RBM10: variants seen among roughly 807,000 people sequenced by gnomAD.
RBM10 encodes the protein RNA binding motif protein 10, also known as RNA-binding protein 10.
Under a neutral mutation model 84.9 loss-of-function variants are expected in RBM10, and 1 was observed. The ratio of observed to expected loss-of-function variants is 0.01; its 90% CI spans 0.00 to 0.06. RBM10 has a LOEUF of 0.06. Among genes scored for constraint, RBM10 ranks in the 10% least tolerant of loss-of-function variants. The pLI is 1.00. For missense variants in RBM10, 438 were observed against 839.0 expected (o/e 0.52, Z 5.90); for synonymous variants, 326 against 344.5 (o/e 0.95, Z 0.60).
chrX:47,146,622 C>T (rs1186453782), intron 1 of RBM10, among the ~76,000 whole-genome samples: 2 of 111,076 alleles, frequency 1.8e-5, no homozygotes, highest in Non-Finnish European at 3.8e-5. Context: ...AATAGAAGAG[C>T]ACAGTGGTTC....
intron 2 of RBM10, chrX:47,156,992 G>T: frequency 3.5e-6 from 1 of 282,410 alleles, no homozygotes. Context: ...CTGGGAAGGC[G>T]TTGATGTCGA....
chrX:47,164,678 A>G (rs1404338911), intron 2 of RBM10, among the ~76,000 whole-genome samples: 1 of 112,012 alleles, frequency 8.9e-6, no homozygotes, highest in Non-Finnish European at 1.9e-5. Flanking sequence ...TAGGAATGTA[A>G]AATGGTACAG....
In RBM10 at chrX:47,185,047, AC is replaced by A; in HGVS notation, c.1951-3del. 8.3e-7 allele frequency: 1 copy of A among 1,206,393 alleles called. No individual in the cohort carries two copies. Among genetic ancestry groups the A allele is most frequent in the Non-Finnish European group, 1.1e-6 (1 of 893,069 alleles). ...TTCTGGGAACCTCACCTCCACCCTC[AC>A]CCCCAGATTGCCAAGGACATGGAAC... On this transcript the variant is annotated splice_region_variant and splice_polypyrimidine_tract_variant and intron_variant, in intron 17 of 23. Transcript: ENST00000377604.
chrX:47,152,306 T>G (rs1393891028), intron 2 of RBM10, among the ~76,000 whole-genome samples: 1 of 111,486 alleles, frequency 9.0e-6, no homozygotes, highest in Non-Finnish European at 1.9e-5. Context: ...ATGTATATGT[T>G]TATGACTTCT....
intron 2 of RBM10, among the ~76,000 whole-genome samples, chrX:47,159,345 T>G (rs1933459978): frequency 9.5e-6 from 1 of 104,863 alleles, no homozygotes; most frequent in Non-Finnish European, 2.0e-5. Flanking sequence ...GAGGTGGAGG[T>G]TGCGGTGAGC....
intron 5 of RBM10, 81 bp from the exon 6 acceptor site, chrX:47,174,938 C>T (rs1417929209): frequency 1.2e-6 from 1 of 829,622 alleles, no homozygotes; most frequent in South Asian, 2.0e-5. Context: ...GTCCTCTCCC[C>T]TCGGGTCCCG....
chrX:47,186,208 G>A (rs1556782461), intron 22 of RBM10, 37 bp downstream of exon 22: 4 of 1,208,891 alleles, frequency 3.3e-6, no homozygotes, highest in African/African-American at 3.5e-5. Flanking sequence ...TCTGGAGCCC[G>A]GGGCCGGGGC....
chrX:47,171,544 G>A (rs1202030973), intron 4 of RBM10, among the ~76,000 whole-genome samples: 1 of 112,655 alleles, frequency 8.9e-6, no homozygotes, highest in Non-Finnish European at 1.9e-5. Flanking sequence ...ACATTCCACT[G>A]GTCATCCAGC....
Position 47,171,262 on chromosome X carries a change from C to G in RBM10, c.432+4C>G, listed in dbSNP as rs1367609249. ...ACAGGCAGCCACTGAGGATGACGTACGTGCCCCCCATGGCCCCGGGCAGGA... is the reference window on the plus strand; with the variant it reads ...ACAGGCAGCCACTGAGGATGACGTAGGTGCCCCCCATGGCCCCGGGCAGGA... On this transcript the variant is annotated splice_donor_region_variant and intron_variant, in intron 4 of 23. Coordinates refer to ENST00000377604, the MANE Select transcript of RBM10 (RefSeq NM_005676.5). 8.3e-7 allele frequency: 1 copy of G among 1,208,464 alleles called. No individual in the cohort carries two copies. The highest frequency in any genetic ancestry group is 1.7e-5 in the African/African-American group (1 of 57,203).
chrX:47,164,434 G>A (rs987514084), intron 2 of RBM10, among the ~76,000 whole-genome samples: 2 of 108,417 alleles, frequency 1.8e-5, no homozygotes, highest in Non-Finnish European at 3.8e-5. Flanking sequence ...CTGCTACTCG[G>A]GAGGCTGAAC....
intron 2 of RBM10, chrX:47,157,088 G>A: frequency 1.1e-5 from 3 of 273,041 alleles, no homozygotes; most frequent in Non-Finnish European, 2.1e-5. Flanking sequence ...GGGCCCGGGG[G>A]AGTTCCCGGA....
intron 7 of RBM10, among the ~76,000 whole-genome samples, chrX:47,178,729 G>A (rs781825140): frequency 8.9e-6 from 1 of 112,349 alleles, no homozygotes; most frequent in Non-Finnish European, 1.9e-5. Flanking sequence ...ACACTGAAAG[G>A]TTTCTGAATA....
intron 2 of RBM10, among the ~76,000 whole-genome samples, chrX:47,156,037 G>C (rs1221366210): frequency 9.1e-6 from 1 of 109,313 alleles, no homozygotes; most frequent in African/African-American, 3.3e-5. Flanking sequence ...TCAAACTCCC[G>C]ACCTCAGGTG....
chrX:47,162,025 T>A (rs1203805125), intron 2 of RBM10, among the ~76,000 whole-genome samples: 2 of 111,136 alleles, frequency 1.8e-5, no homozygotes, highest in Non-Finnish European at 3.8e-5. Context: ...GTATTTTTAG[T>A]AGAGACGGGG....
chrX:47,152,778 C>T (rs1312184002), intron 2 of RBM10, among the ~76,000 whole-genome samples: 2 of 80,232 alleles, frequency 2.5e-5, no homozygotes, highest in Non-Finnish European at 4.4e-5. Flanking sequence ...TACATAGACA[C>T]ACACACACAC....
chrX:47,179,114 G>A lies in RBM10; in HGVS notation c.675G>A (p.Gln225=), dbSNP rs1556777442. ...CCTGTGCCTCACAGTGTGGCGTCCAGAACTTCAAACGCCGAGAGAAGTGCT... is the reference window on the plus strand; with the variant it reads ...CCTGTGCCTCACAGTGTGGCGTCCAAAACTTCAAACGCCGAGAGAAGTGCT... ...EDWLCNKCGV[Q]NFKRREKCFK... Residue 225 remains glutamine, a synonymous_variant, in exon 8 of 24, where the codon CAG becomes CAA. Coordinates refer to ENST00000377604, the MANE Select transcript of RBM10 (RefSeq NM_005676.5). 1.7e-5 allele frequency: 20 copies of A among 1,208,793 alleles called. No homozygotes were observed. Among genetic ancestry groups the A allele is most frequent in the Non-Finnish European group, 2.2e-5 (20 of 893,992 alleles).
At chrX:47,156,745 T>C (rs782622015) in intron 2 of RBM10, 2 of 167,114 alleles carry the variant, frequency 1.2e-5, no homozygotes, top group South Asian at 1.9e-4. Context: ...TTGGAGGTAC[T>C]ACCCACATAG....
chrX:47,163,859 A>ATT (rs35919377), intron 2 of RBM10, among the ~76,000 whole-genome samples: 6,461 of 39,648 alleles, frequency 0.16, 1,296 homozygotes, highest in Non-Finnish European at 0.21. Flanking sequence ...CGCCTGGCTA[A>ATT]TTTTTTTTTT....
At chrX:47,157,781 T>C (rs1556765603) in intron 2 of RBM10, 2 of 84,566 alleles carry the variant, frequency 2.4e-5, no homozygotes, top group Non-Finnish European at 2.3e-5. Context: ...GCTGCATGAC[T>C]TTTTTTTTTT....
Sources: gnomAD v4.1 joint callset for allele counts (sites outside exome capture counted in the v4.1 genomes callset) on GRCh38, gnomAD v4.1.1 for gene constraint, MANE v1.5 for transcripts, NCBI Gene and HGNC (gene_info 2026-07-23, HGNC 2026-07-21) for gene names.